VPS8: variants seen among roughly 807,000 people sequenced by gnomAD.
The protein encoded by VPS8 is VPS8 subunit of CORVET complex.
VPS8 carries 129 observed loss-of-function variants against 216.4 expected under a neutral mutation model. The observed-to-expected ratio is 0.60, with a 90% CI of 0.52 to 0.69. The LOEUF (loss-of-function observed/expected upper bound fraction) is 0.69, where lower values mean the gene tolerates loss of function less well. VPS8 is among the 30% of genes least tolerant of loss of function. The probability of loss-of-function intolerance (pLI) is 0.00; values close to 1 mark genes in which losing one functional copy is unlikely to be tolerated. For missense variants in VPS8, 1,531 were observed against 1,683.5 expected, an observed-to-expected ratio of 0.91 and a Z score of 1.59; for synonymous variants, 571 against 565.4, an observed-to-expected ratio of 1.01 and a Z score of -0.14.
intron 21 of VPS8, among the ~76,000 whole-genome samples, chr3:184,873,001 A>G (rs1322662907): frequency 6.6e-6 from 1 of 152,180 alleles, no homozygotes; most frequent in Non-Finnish European, 1.5e-5. Context: ...GTCAGAAAGG[A>G]GAATGATATG....
intron 28 of VPS8, among the ~76,000 whole-genome samples, chr3:184,916,517 A>G (rs1347950690): frequency 6.6e-6 from 1 of 152,064 alleles, no homozygotes; most frequent in Non-Finnish European, 1.5e-5. Context: ...ATTGAATTAT[A>G]TAAATATAAT....
At chr3:184,814,997 A>T (rs1365495529) in intron 1 of VPS8, among the ~76,000 whole-genome samples, 1 of 152,184 alleles carries the variant, frequency 6.6e-6, no homozygotes, top group Non-Finnish European at 1.5e-5. Flanking sequence ...TATTTCAAAA[A>T]ATTTTAATCT....
At chr3:184,920,237 T>A in intron 29 of VPS8, 39 bp downstream of exon 29, 2 of 1,296,570 alleles carry the variant, frequency 1.5e-6, no homozygotes, top group Non-Finnish European at 2.1e-6. Context: ...TATTGATATT[T>A]ATATTAAGAT....
At position 184,855,804 on chromosome 3, in the gene VPS8, G is replaced by A. The variant is rs1725135353; in HGVS notation, c.1129G>A (p.Val377Ile). ...GCTTGCCTTCTGCAGAGGAGATGTT[G>A]TTCATTTTCTATTGGTAAGTCCTAA... The part of the protein sequence containing the change: ...PMLAFCRGDV[V>I]HFLLVKRDES... Residue 377 changes from valine (V) to isoleucine (I), a missense_variant, in exon 14 of 48, where the codon GTT becomes ATT. Val to Ile is a conservative substitution (Grantham distance 29). Coordinates refer to ENST00000625842, the MANE Select transcript of VPS8 (RefSeq NM_001009921.3). 2 of 1,612,338 alleles carry A rather than the reference G, an allele frequency of 1.2e-6. No homozygotes were observed. The highest frequency in any genetic ancestry group is 4.5e-5 in the East Asian group (2 of 44,790).
intron 46 of VPS8, among the ~76,000 whole-genome samples, chr3:185,025,884 AT>A (rs1757275680): frequency 6.6e-6 from 1 of 152,198 alleles, no homozygotes; most frequent in Non-Finnish European, 1.5e-5. Context: ...CCTTGTGTAA[AT>A]TGGCCCCTCT....
chr3:184,821,679 T>C (rs1717624912), intron 1 of VPS8, among the ~76,000 whole-genome samples: 1 of 152,136 alleles, frequency 6.6e-6, no homozygotes, highest in South Asian at 2.1e-4. Context: ...ATAGGTTTCA[T>C]GCTTGCTAGA....
Position 184,964,572 on chromosome 3 carries a change from T to C in VPS8, c.3273+15T>C, listed in dbSNP as rs1577002446. 2 of 1,422,096 alleles carry C rather than the reference T, an allele frequency of 1.4e-6. No individual in the cohort carries two copies. Among genetic ancestry groups the C allele is most frequent in the Non-Finnish European group, 1.9e-6 (2 of 1,059,950 alleles). The allele number at this position is 1,422,096 out of a possible 1,614,324, so 88.1% of individuals were successfully genotyped here. A position where few individuals can be genotyped will look rare whatever the true frequency, so the allele number is the denominator to read the frequency against. On this transcript the variant is annotated intron_variant, in intron 38 of 47. Transcript: ENST00000625842. ...TAATGTTAGAGGTAACACTTTACTATGTTTCTTTCATCATATTTCTGTCTA... is the reference window on the plus strand; with the variant it reads ...TAATGTTAGAGGTAACACTTTACTACGTTTCTTTCATCATATTTCTGTCTA...
intron 22 of VPS8, among the ~76,000 whole-genome samples, chr3:184,891,520 G>C (rs1007226529): frequency 6.6e-6 from 1 of 152,134 alleles, no homozygotes; most frequent in East Asian, 1.9e-4. Context: ...TTTTATAATA[G>C]CTATATTGAG....
intron 35 of VPS8, among the ~76,000 whole-genome samples, chr3:184,939,130 A>G (rs1293100088): frequency 1.3e-5 from 2 of 152,120 alleles, no homozygotes; most frequent in African/African-American, 4.8e-5. Flanking sequence ...ATTGTGCAAG[A>G]ATCCCACATA....
intron 22 of VPS8, among the ~76,000 whole-genome samples, chr3:184,890,453 T>C (rs1346844820): frequency 1.3e-5 from 2 of 152,100 alleles, no homozygotes; most frequent in Non-Finnish European, 2.9e-5. Flanking sequence ...TTTCACATAT[T>C]ATATTGTTTC....
At chr3:184,868,845 C>A in intron 18 of VPS8, 101 bp from the exon 19 acceptor site, 1 of 912,622 alleles carries the variant, frequency 1.1e-6, no homozygotes, top group Non-Finnish European at 1.7e-6. Context: ...TAATTTTAGC[C>A]ACTAAGCAGC....
intron 46 of VPS8, among the ~76,000 whole-genome samples, chr3:185,035,137 A>G (rs888803658): frequency 3.3e-5 from 5 of 152,328 alleles, no homozygotes; most frequent in African/African-American, 4.8e-5. Context: ...GTACTAGACC[A>G]GATGGAGTCA....
chr3:184,909,915 A>G (rs1736165274), intron 25 of VPS8, among the ~76,000 whole-genome samples: 1 of 151,946 alleles, frequency 6.6e-6, no homozygotes, highest in Admixed American at 6.6e-5. Flanking sequence ...ACCACTGAGT[A>G]TCGTCTTCCA....
intron 4 of VPS8, among the ~76,000 whole-genome samples, chr3:184,834,175 C>T (rs1320459596): frequency 6.6e-6 from 1 of 152,146 alleles, no homozygotes; most frequent in Non-Finnish European, 1.5e-5. Context: ...GTAATGTAGA[C>T]TTGCAGGCCG....
intron 42 of VPS8, among the ~76,000 whole-genome samples, chr3:184,989,769 T>C (rs1023405892): frequency 5.9e-5 from 9 of 152,114 alleles, no homozygotes; most frequent in Non-Finnish European, 2.9e-5. Flanking sequence ...CCTCAGAGAA[T>C]GAGTTAAGAA....
chr3:184,989,455 A>AT (rs962625871), intron 42 of VPS8, among the ~76,000 whole-genome samples: 17 of 151,786 alleles, frequency 1.1e-4, no homozygotes, highest in African/African-American at 4.1e-4. Context: ...TTTGTGGAGA[A>AT]TGGGGTCTCA....
At chr3:184,830,454 T>TCACACACACACACACA (rs3040915) in intron 3 of VPS8, among the ~76,000 whole-genome samples, 17 of 147,798 alleles carry the variant, frequency 1.2e-4, no homozygotes, top group African/African-American at 3.5e-4. Flanking sequence ...GTTTATCAGT[T>TCACACACACACACACA]CACACACACA....
chr3:184,985,811 A>G (rs1750979910), intron 42 of VPS8, among the ~76,000 whole-genome samples: 1 of 152,194 alleles, frequency 6.6e-6, no homozygotes, highest in African/African-American at 2.4e-5. Context: ...CATTATATGG[A>G]CTGGAAGAGT....
At chr3:184,823,355 A>G (rs1718027179) in intron 1 of VPS8, among the ~76,000 whole-genome samples, 1 of 152,210 alleles carries the variant, frequency 6.6e-6, no homozygotes, top group Non-Finnish European at 1.5e-5. Flanking sequence ...CTTAAAAGAA[A>G]TTAAGTGGCT....
Sources: allele counts gnomAD v4.1 joint callset (sites outside exome capture counted in the v4.1 genomes callset), GRCh38; gene constraint gnomAD v4.1.1; transcripts MANE v1.5; gene names NCBI Gene and HGNC (gene_info 2026-07-23, HGNC 2026-07-21).